AAK1: variants seen among roughly 807,000 people sequenced by gnomAD.
AAK1 encodes AP2 associated kinase 1, also known as AP2-associated protein kinase 1.
Under a neutral mutation model 116.0 loss-of-function variants are expected in AAK1, and 37 were observed. The observed-to-expected ratio is 0.32, with a 90% CI of 0.25 to 0.42. The LOEUF (loss-of-function observed/expected upper bound fraction) is 0.42, where lower values mean the gene tolerates loss of function less well. Among genes scored for constraint, AAK1 ranks in the 10% least tolerant of loss-of-function variants. AAK1 has a pLI of 1.00. For synonymous variants in AAK1, 458 were observed against 439.9 expected (o/e 1.04, Z -0.51); for missense variants, 919 against 1,170.6 (o/e 0.79, Z 3.14).
At chr2:69,487,469 C>A (rs551201466) in intron 17 of AAK1, among the ~76,000 whole-genome samples, 1 of 152,312 alleles carries the variant, frequency 6.6e-6, no homozygotes, top group South Asian at 2.1e-4. Flanking sequence ...ACATCAATCA[C>A]GCTTCACATC....
chr2:69,643,494 C>G (rs1282910208), intron 1 of AAK1, 81 bp downstream of exon 1: 1 of 1,218,250 alleles, frequency 8.2e-7, no homozygotes, highest in East Asian at 3.2e-5. Context: ...GCTCCGGCAG[C>G]GCCGACCCTC....
chr2:69,567,297 C>T (rs113444416), intron 2 of AAK1, among the ~76,000 whole-genome samples: 5 of 152,328 alleles, frequency 3.3e-5, no homozygotes, highest in African/African-American at 9.6e-5. Context: ...GTCCCTGGCC[C>T]TCACTCCCAT....
At chr2:69,621,267 G>T (rs943993434) in intron 2 of AAK1, among the ~76,000 whole-genome samples, 1 of 152,154 alleles carries the variant, frequency 6.6e-6, no homozygotes, top group Non-Finnish European at 1.5e-5. Context: ...CCTGAGGTCG[G>T]GAGTTCGAGA....
intron 3 of AAK1, among the ~76,000 whole-genome samples, chr2:69,548,397 C>T (rs1273415676): frequency 1.3e-5 from 2 of 152,108 alleles, no homozygotes; most frequent in African/African-American, 4.8e-5. Flanking sequence ...CCCACTACAG[C>T]CTTCTGACAA....
chr2:69,633,684 G>T (rs766711078), intron 2 of AAK1, among the ~76,000 whole-genome samples: 5 of 151,598 alleles, frequency 3.3e-5, no homozygotes, highest in Non-Finnish European at 7.4e-5. Flanking sequence ...TCTGATCTTG[G>T]ACTTCATAGC....
At chr2:69,549,698 C>T (rs13387935) in intron 3 of AAK1, among the ~76,000 whole-genome samples, 5,673 of 152,310 alleles carry the variant, frequency 0.037, 368 homozygotes, top group African/African-American at 0.13. Flanking sequence ...TCTGAATTAA[C>T]TGACCACTTA....
intron 2 of AAK1, among the ~76,000 whole-genome samples, chr2:69,605,675 T>G (rs1218840309): frequency 6.6e-6 from 1 of 152,212 alleles, no homozygotes; most frequent in Non-Finnish European, 1.5e-5. Flanking sequence ...CTCATATGTA[T>G]GTGTAGTTGT....
chr2:69,579,672 T>C (rs931608475), intron 2 of AAK1, among the ~76,000 whole-genome samples: 3 of 152,242 alleles, frequency 2.0e-5, no homozygotes, highest in Non-Finnish European at 2.9e-5. Context: ...TACATCTCTG[T>C]CCACTTCTTG....
intron 2 of AAK1, among the ~76,000 whole-genome samples, chr2:69,565,543 A>T (rs1671826593): frequency 6.6e-6 from 1 of 152,230 alleles, no homozygotes; most frequent in South Asian, 2.1e-4. Context: ...CTAGACTGCA[A>T]GGGTGCCAAC....
At chr2:69,641,884 C>A (rs181928630) in intron 2 of AAK1, among the ~76,000 whole-genome samples, 1 of 152,130 alleles carries the variant, frequency 6.6e-6, no homozygotes, top group African/African-American at 2.4e-5. Context: ...TATAACACAA[C>A]CTACAGCAGG....
intron 17 of AAK1, among the ~76,000 whole-genome samples, chr2:69,494,937 T>C (rs1195445978): frequency 6.6e-6 from 1 of 152,156 alleles, no homozygotes; most frequent in East Asian, 1.9e-4. Context: ...GTCTTAGTGA[T>C]GGTGGGCAGA....
intron 2 of AAK1, among the ~76,000 whole-genome samples, chr2:69,634,436 T>C (rs1470053938): frequency 1.3e-5 from 2 of 152,242 alleles, no homozygotes; most frequent in African/African-American, 4.8e-5. Context: ...GATATAAGGC[T>C]ATTTCGCATA....
rs144731155 is a variant in AAK1 at position 69,564,905 on chromosome 2, CAGA to C, written c.164-7930_164-7928del. The stretch of plus-strand genomic sequence containing the variant: ...AATGATAAGCAAAGCACCTAGCACA[CAGA>C]AGGTGTTCCTGCCTTTCCCTTCCAC... On this transcript the variant is annotated intron_variant, in intron 2 of 21. Transcript: ENST00000409085. Among the ~76,000 whole-genome samples, 782 of 152,314 alleles carry C rather than the reference CAGA, an allele frequency of 5.1e-3. 6 individuals carry two copies. Among genetic ancestry groups the C allele is most frequent in the African/African-American group, 0.018 (740 of 41,568 alleles).
chr2:69,502,451 G>A (rs201853203), intron 16 of AAK1, among the ~76,000 whole-genome samples: 2 of 152,026 alleles, frequency 1.3e-5, no homozygotes, highest in East Asian at 1.9e-4. Context: ...GAGAAACCCT[G>A]TCTCTACTAA....
chr2:69,558,164 G>A (rs114844540), intron 2 of AAK1, among the ~76,000 whole-genome samples: 2,038 of 152,058 alleles, frequency 0.013, 16 homozygotes, highest in Non-Finnish European at 0.021. Context: ...GCAACATGGC[G>A]AAACCCTGTC....
chr2:69,597,064 G>A (rs751866889), intron 2 of AAK1, among the ~76,000 whole-genome samples: 10 of 151,762 alleles, frequency 6.6e-5, no homozygotes, highest in Non-Finnish European at 1.3e-4. Flanking sequence ...GCAAATCTGA[G>A]TGTTTTACTT....
At position 69,496,098 on chromosome 2, in the gene AAK1, G is replaced by C. The variant is rs1190763841; in HGVS notation, c.2270-18C>G. 2 of 1,540,628 alleles carry C rather than the reference G, an allele frequency of 1.3e-6. No homozygotes were observed. The highest frequency in any genetic ancestry group is 3.9e-5 in the Admixed American group (2 of 50,826). Reference sequence around the variant, plus strand: ...TTTTTCAGCTGGAGTTAGGTTGGAGGGGAAGGAGGAGTCAGGAGAGAAAAA... The same window carrying C: ...TTTTTCAGCTGGAGTTAGGTTGGAGCGGAAGGAGGAGTCAGGAGAGAAAAA... On this transcript the variant is annotated intron_variant, in intron 16 of 21. Transcript: ENST00000409085.
rs1218309127 is a variant in AAK1, at chr2:69,469,769, A to G, written c.*6100T>C. 3 of 985,320 alleles carry G rather than the reference A, an allele frequency of 3.0e-6. No homozygotes were observed. The African/African-American group carries it at 5.2e-5, about 17-fold the overall frequency. The allele number at this position is 985,320 out of a possible 1,614,324, so 61.0% of individuals were successfully genotyped here. A position where few individuals can be genotyped will look rare whatever the true frequency, so the allele number is the denominator to read the frequency against. Reference sequence around the variant, plus strand: ...TTATTTTGGTTTCACACATAAAATTAAGCAAGAAGTCAAAACATACTTCTT... The same window carrying G: ...TTATTTTGGTTTCACACATAAAATTGAGCAAGAAGTCAAAACATACTTCTT... On this transcript the variant is annotated 3_prime_UTR_variant, in exon 22 of 22. Coordinates refer to ENST00000409085, the MANE Select transcript of AAK1 (RefSeq NM_014911.5).
rs544959985 is a variant in AAK1 at position 69,530,579 on chromosome 2, C to G, written c.738+46G>C. 2.9e-4 allele frequency: 439 copies of G among 1,512,626 alleles called. 2 individuals carry two copies. The South Asian group carries it at 4.7e-3, about 16-fold the overall frequency. The allele number at this position is 1,512,626 out of a possible 1,614,324, so 93.7% of individuals were successfully genotyped here. On this transcript the variant is annotated intron_variant, in intron 7 of 21. Transcript: ENST00000409085. ...TGCATTAACCTTGGGAATTCACAGT[C>G]AAGACTGCTGCTATCTGAGGTATGG...
Sources: allele counts gnomAD v4.1 joint callset (sites outside exome capture counted in the v4.1 genomes callset), GRCh38; gene constraint gnomAD v4.1.1; transcripts MANE v1.5; gene names NCBI Gene and HGNC (gene_info 2026-07-23, HGNC 2026-07-21).